SGMS1: variants seen among roughly 807,000 people sequenced by gnomAD.
SGMS1 encodes phosphatidylcholine:ceramide cholinephosphotransferase 1.
A neutral mutation model predicts 46.2 loss-of-function variants in SGMS1; 13 were observed. The observed-to-expected ratio is 0.28, with a 90% CI of 0.18 to 0.45. The LOEUF is 0.45. Among genes scored for constraint, SGMS1 ranks in the 20% least tolerant of loss-of-function variants. SGMS1 has a pLI of 1.00. For synonymous variants in SGMS1, 203 were observed against 187.8 expected (o/e 1.08, Z -0.66); for missense variants, 324 against 519.9 (o/e 0.62, Z 3.66).
intron 2 of SGMS1, among the ~76,000 whole-genome samples, chr10:50,565,660 C>T (rs1838282176): frequency 6.6e-6 from 1 of 152,218 alleles, no homozygotes; most frequent in Non-Finnish European, 1.5e-5. Context: ...TAGCGTCTGA[C>T]TCCTTTGCCT....
intron 2 of SGMS1, among the ~76,000 whole-genome samples, chr10:50,547,398 G>A (rs549558470): frequency 3.3e-5 from 5 of 151,994 alleles, no homozygotes; most frequent in African/African-American, 1.2e-4. Context: ...CAACCATCGG[G>A]GAATACTAAA....
At chr10:50,344,509 T>A (rs1367906957) in intron 6 of SGMS1, among the ~76,000 whole-genome samples, 164 bp from the exon 7 acceptor site, 1 of 152,208 alleles carries the variant, frequency 6.6e-6, no homozygotes, top group African/African-American at 2.4e-5. Context: ...TGGTTATTAG[T>A]CTTTTGCGAC....
At chr10:50,603,260 TA>T (rs766767798) in intron 1 of SGMS1, among the ~76,000 whole-genome samples, 2 of 152,226 alleles carry the variant, frequency 1.3e-5, no homozygotes, top group Non-Finnish European at 2.9e-5. Flanking sequence ...ACAACTTAAG[TA>T]ATTTCCTCAA....
At chr10:50,520,696 G>T (rs1323145163) in intron 2 of SGMS1, among the ~76,000 whole-genome samples, 3 of 152,104 alleles carry the variant, frequency 2.0e-5, no homozygotes, top group African/African-American at 4.8e-5. Context: ...TTCCTGCATA[G>T]ATACTCATAG....
At chr10:50,557,411 T>C (rs1838197509) in intron 2 of SGMS1, among the ~76,000 whole-genome samples, 1 of 152,108 alleles carries the variant, frequency 6.6e-6, no homozygotes, top group African/African-American at 2.4e-5. Context: ...TTAAAAGAAA[T>C]TAGTAATAAA....
At chr10:50,375,955 C>T (rs139402805) in intron 6 of SGMS1, among the ~76,000 whole-genome samples, 1,832 of 152,222 alleles carry the variant, frequency 0.012, 18 homozygotes, top group Non-Finnish European at 0.018. Context: ...CCTCAGCCTC[C>T]GGAGTAGCTA....
intron 6 of SGMS1, among the ~76,000 whole-genome samples, chr10:50,350,397 T>C (rs1428704418): frequency 6.6e-6 from 1 of 152,212 alleles, no homozygotes; most frequent in Non-Finnish European, 1.5e-5. Flanking sequence ...AAAACACATT[T>C]TCCTGGGAGA....
intron 7 of SGMS1, chr10:50,340,402 G>A (rs959576406): frequency 6.6e-6 from 1 of 152,190 alleles, no homozygotes; most frequent in African/African-American, 2.4e-5. Context: ...TTGCAGTGAA[G>A]TCTGACACAA....
At chr10:50,458,269 T>C (rs1035049980) in intron 5 of SGMS1, among the ~76,000 whole-genome samples, 2 of 151,974 alleles carry the variant, frequency 1.3e-5, no homozygotes, top group African/African-American at 4.8e-5. Context: ...CAAGGCAATG[T>C]AATTGTTAGA....
intron 3 of SGMS1, among the ~76,000 whole-genome samples, chr10:50,497,791 C>CT (rs1837628341): frequency 6.6e-6 from 1 of 150,758 alleles, no homozygotes; most frequent in Admixed American, 6.6e-5. Flanking sequence ...CAAAACTCAT[C>CT]TAAAAAAAAA....
intron 3 of SGMS1, among the ~76,000 whole-genome samples, chr10:50,516,454 G>A (rs541619721): frequency 1.1e-4 from 17 of 152,178 alleles, no homozygotes; most frequent in Non-Finnish European, 2.2e-4. Flanking sequence ...AAGAAAAATG[G>A]CATTGTGACA....
At chr10:50,499,816 C>A (rs1307708246) in intron 3 of SGMS1, among the ~76,000 whole-genome samples, 2 of 152,178 alleles carry the variant, frequency 1.3e-5, no homozygotes, top group African/African-American at 2.4e-5. Context: ...AAAGTTAATG[C>A]CAAATGGCTA....
intron 2 of SGMS1, among the ~76,000 whole-genome samples, chr10:50,526,810 T>TC (rs1459106347): frequency 6.6e-6 from 1 of 151,964 alleles, no homozygotes; most frequent in African/African-American, 2.4e-5. Context: ...CTCACGCCTG[T>TC]AATCATAGCA....
chr10:50,371,290 T>C (rs749912184), intron 6 of SGMS1, among the ~76,000 whole-genome samples: 21 of 152,208 alleles, frequency 1.4e-4, no homozygotes, highest in Non-Finnish European at 2.8e-4. Flanking sequence ...CTCCTTTCCA[T>C]TGTAACCACC....
At position 50,310,141 on chromosome 10, in the gene SGMS1, C is replaced by T. The variant is rs1404314147; in HGVS notation, c.895+1121G>A. Among the ~76,000 whole-genome samples, 3 of 152,242 alleles carry T rather than the reference C, an allele frequency of 2.0e-5. No homozygotes were observed. The East Asian group carries it at 5.8e-4, about 29-fold the overall frequency. Reference sequence around the variant, plus strand: ...CTTAAGCACCCCCTGTGATCTGGTTCCCACTTACCTGTCCATTCTTATTAT... The same window carrying T: ...CTTAAGCACCCCCTGTGATCTGGTTTCCACTTACCTGTCCATTCTTATTAT... On this transcript the variant is annotated intron_variant, in intron 9 of 10. Coordinates refer to ENST00000361781, the MANE Select transcript of SGMS1 (RefSeq NM_147156.4).
chr10:50,595,575 G>A (rs1564440490), intron 1 of SGMS1, among the ~76,000 whole-genome samples: 3 of 152,140 alleles, frequency 2.0e-5, no homozygotes, highest in Middle Eastern at 6.8e-3. Flanking sequence ...TAAGTAACTT[G>A]GCCAAAATCA....
chr10:50,429,235 A>C (rs1849368073), intron 6 of SGMS1, among the ~76,000 whole-genome samples: 1 of 152,196 alleles, frequency 6.6e-6, no homozygotes, highest in African/African-American at 2.4e-5. Context: ...GGGACACACA[A>C]AAGGCAGTGG....
intron 1 of SGMS1, among the ~76,000 whole-genome samples, chr10:50,602,002 T>C (rs766218274): frequency 6.6e-6 from 1 of 152,090 alleles, no homozygotes; most frequent in Non-Finnish European, 1.5e-5. Flanking sequence ...ACTTGTGGAG[T>C]CATATTAGTG....
chr10:50,448,194 G>A (rs1301932693), intron 5 of SGMS1, among the ~76,000 whole-genome samples: 1 of 152,104 alleles, frequency 6.6e-6, no homozygotes, highest in Non-Finnish European at 1.5e-5. Context: ...GGAGGCTGTA[G>A]TGAGCTGTGA....
Sources: allele counts gnomAD v4.1 joint callset (sites outside exome capture counted in the v4.1 genomes callset), GRCh38; gene constraint gnomAD v4.1.1; transcripts MANE v1.5; gene names NCBI Gene and HGNC (gene_info 2026-07-23, HGNC 2026-07-21).